The following MFAP1 variants were observed in gnomAD, a reference collection of about 807,000 sequenced individuals.
The protein encoded by MFAP1 is microfibril associated protein 1.
Under a neutral mutation model 62.2 loss-of-function variants are expected in MFAP1, and 18 were observed. That is an observed-to-expected ratio of 0.29 (90% confidence interval 0.20 to 0.43). The LOEUF (loss-of-function observed/expected upper bound fraction) is 0.43, where lower values mean the gene tolerates loss of function less well. MFAP1 is among the 20% of genes least tolerant of loss of function. The pLI, the probability that MFAP1 is intolerant of heterozygous loss-of-function variation, is 1.00. For synonymous variants in MFAP1, 175 were observed against 180.4 expected, an observed-to-expected ratio of 0.97 and a Z score of 0.24; for missense variants, 355 against 559.7, an observed-to-expected ratio of 0.63 and a Z score of 3.69.
chr15:43,813,482 G>C, intron 4 of MFAP1, 125 bp from the exon 5 acceptor site: 24 of 673,466 alleles, frequency 3.6e-5, no homozygotes, highest in Non-Finnish European at 4.6e-5. Context: ...TTTTCAAAGA[G>C]CAAAAAACGC....
chr15:43,814,616 C>T lies in MFAP1; in HGVS notation c.502G>A (p.Glu168Lys). Residue 168 changes from glutamate (E) to lysine (K), a missense_variant, in exon 4 of 9, where the codon GAA becomes AAA. Glu to Lys is a moderately conservative substitution (Grantham distance 56). Transcript: ENST00000267812. The part of the protein sequence containing the change: ...ERKNEEMEVM[E>K]VEDEGRSGEE... Reference sequence around the variant, plus strand: ...CCAGAACGACCCTCATCTTCCACTTCCATGACTTCCATCTCTTCATTTTTT... The same window carrying T: ...CCAGAACGACCCTCATCTTCCACTTTCATGACTTCCATCTCTTCATTTTTT... The T allele has an allele frequency of 6.2e-7, 1 of 1,614,202 alleles. No homozygotes were observed.
intron 1 of MFAP1, among the ~76,000 whole-genome samples, chr15:43,822,148 C>T (rs1351532681): frequency 2.1e-5 from 3 of 143,768 alleles, no homozygotes; most frequent in African/African-American, 7.9e-5. Flanking sequence ...TATGGTGAGC[C>T]GAGATGGAGC....
intron 1 of MFAP1, among the ~76,000 whole-genome samples, chr15:43,821,731 T>C (rs2087468125): frequency 6.6e-6 from 1 of 152,200 alleles, no homozygotes; most frequent in Admixed American, 6.6e-5. Context: ...CATTCCCTAC[T>C]GGACTGTAAG....
intron 2 of MFAP1, among the ~76,000 whole-genome samples, chr15:43,816,515 G>T (rs2087434843): frequency 6.6e-6 from 1 of 152,160 alleles, no homozygotes; most frequent in Non-Finnish European, 1.5e-5. Context: ...AAAGTGCTAG[G>T]ATTACAGGCG....
rs769646633 is a variant in MFAP1 at position 43,815,009 on chromosome 15, CCTTCTA to C, written c.359_364del (p.Val120_Glu121del). 1.4e-5 allele frequency: 23 copies of C among 1,614,050 alleles called. No homozygotes were observed. Among genetic ancestry groups the C allele is most frequent in the Non-Finnish European group, 1.9e-5 (23 of 1,180,046 alleles). Reference sequence around the variant, plus strand: ...TTCTCGTTCCATGCGCCAAGCATCTCCTTCTACTTCTGAGTCACTCTCTCCTACCAC... The same window carrying C: ...TTCTCGTTCCATGCGCCAAGCATCTCCTTCTGAGTCACTCTCTCCTACCAC... On this transcript the variant is annotated inframe_deletion, in exon 3 of 9. Coordinates refer to ENST00000267812, the MANE Select transcript of MFAP1 (RefSeq NM_005926.3).
At chr15:43,824,226 T>C (rs2087484799) in intron 1 of MFAP1, among the ~76,000 whole-genome samples, 1 of 151,446 alleles carries the variant, frequency 6.6e-6, no homozygotes, top group Admixed American at 6.6e-5. Context: ...CCTAATGTTT[T>C]TATATGTGTA....
intron 6 of MFAP1, among the ~76,000 whole-genome samples, chr15:43,810,316 T>C (rs2087390903): frequency 6.6e-6 from 1 of 151,992 alleles, no homozygotes; most frequent in African/African-American, 2.4e-5. Flanking sequence ...GGTGCTTGCA[T>C]GTCATAAACC....
intron 1 of MFAP1, among the ~76,000 whole-genome samples, chr15:43,818,864 C>G (rs143999167): frequency 6.6e-6 from 1 of 152,138 alleles, no homozygotes; most frequent in East Asian, 1.9e-4. Flanking sequence ...CTCACTTTAG[C>G]CTGAGTGATA....
At chr15:43,819,680 C>T (rs552724771) in intron 1 of MFAP1, among the ~76,000 whole-genome samples, 2 of 152,200 alleles carry the variant, frequency 1.3e-5, no homozygotes, top group South Asian at 4.1e-4. Flanking sequence ...TACAGGTGCC[C>T]ACCACCATGC....
Position 43,814,598 on chromosome 15 carries a change from G to A in MFAP1, c.520C>T (p.Arg174Cys), listed in dbSNP as rs1209026918. Residue 174 changes from arginine (R) to cysteine (C), a missense_variant, in exon 4 of 9, where the codon CGT becomes TGT. Physicochemically the swap from Arg to Cys is radical, Grantham distance 180. Coordinates refer to ENST00000267812, the MANE Select transcript of MFAP1 (RefSeq NM_005926.3). ...TCTGATTCTGACTCCTCTCCAGAAC[G>A]ACCCTCATCTTCCACTTCCATGACT... ...MEVMEVEDEG[R>C]SGEESESESE... 1.5e-5 allele frequency: 25 copies of A among 1,614,044 alleles called. No individual in the cohort carries two copies. Among genetic ancestry groups the A allele is most frequent in the Middle Eastern group, 1.6e-4 (1 of 6,062 alleles).
intron 4 of MFAP1, 28 bp from the exon 5 acceptor site, chr15:43,813,385 C>T: frequency 1.9e-6 from 3 of 1,590,620 alleles, no homozygotes; most frequent in East Asian, 2.2e-5. Context: ...TGTTAATTGC[C>T]CAAAGTCCTT....
intron 1 of MFAP1, among the ~76,000 whole-genome samples, chr15:43,819,087 G>A (rs2087451894): frequency 6.6e-6 from 1 of 152,166 alleles, no homozygotes; most frequent in Non-Finnish European, 1.5e-5. Context: ...AAGCTACTCA[G>A]GTGGCTGAGG....
chr15:43,817,224 A>G lies in MFAP1; in HGVS notation c.299+5T>C, dbSNP rs374778990. On this transcript the variant is annotated splice_donor_5th_base_variant and intron_variant, in intron 2 of 8. Transcript: ENST00000267812. ...TGTTCAAGTAAACACAATCACAGAC[A>G]TTACCTCTCTTCCACATCTTCACTA... is the stretch of plus-strand genomic sequence containing the variant. The G allele has an allele frequency of 3.1e-5, 50 of 1,612,482 alleles. No individual in the cohort carries two copies. Among genetic ancestry groups the G allele is most frequent in the Non-Finnish European group, 4.2e-5 (49 of 1,179,736 alleles).
intron 3 of MFAP1, 43 bp downstream of exon 3, chr15:43,814,902 T>C (rs1263925903): frequency 6.2e-7 from 1 of 1,608,104 alleles, no homozygotes; most frequent in African/African-American, 1.3e-5. Context: ...CATGAACTTT[T>C]TCTTATATCC....
Position 43,804,981 on chromosome 15 carries a change from G to C in MFAP1, c.*113C>G, listed in dbSNP as rs1022337652. On this transcript the variant is annotated 3_prime_UTR_variant, in exon 9 of 9. Coordinates refer to ENST00000267812, the MANE Select transcript of MFAP1 (RefSeq NM_005926.3). ...GCTACCCAGTATCACAAGTATAGCA[G>C]TAAGTCCAATATCTGGATACAGGGG... The C allele has an allele frequency of 9.3e-6, 11 of 1,182,494 alleles. No homozygotes were observed. Among genetic ancestry groups the C allele is most frequent in the East Asian group, 7.1e-5 (3 of 42,002 alleles). 73.3% of individuals were successfully genotyped at this position (1,182,494 alleles called of 1,614,324 possible).
rs753023741 is a variant in MFAP1, at chr15:43,805,259, G to A, written c.1155C>T (p.Arg385=). ...PKVMQVKNFG[R]SGRTKYTHLV... is the part of the protein sequence containing the mutation. ...GGTGAGTGTATTTGGTGCGACCTGA[G>A]CGTCCAAAGTTCTTGACCTGAGGGA... Residue 385 remains arginine (R), a synonymous_variant, in exon 9 of 9, where the codon CGC becomes CGT. Transcript: ENST00000267812. The A allele has an allele frequency of 1.9e-6, 3 of 1,596,920 alleles. No homozygotes were observed. The highest frequency in any genetic ancestry group is 2.6e-6 in the Non-Finnish European group (3 of 1,166,720).
intron 1 of MFAP1, 28 bp downstream of exon 1, chr15:43,824,463 G>T (rs369248866): frequency 5.0e-5 from 81 of 1,611,910 alleles, no homozygotes; most frequent in Admixed American, 3.3e-5. Flanking sequence ...GTTAAAATTC[G>T]ACTGGGAAGA....
intron 7 of MFAP1, among the ~76,000 whole-genome samples, chr15:43,805,784 T>C (rs2087360531): frequency 6.6e-6 from 1 of 151,950 alleles, no homozygotes; most frequent in Non-Finnish European, 1.5e-5. Context: ...GGCTAATTTT[T>C]TGTATTTTTA....
chr15:43,815,102 A>T, intron 2 of MFAP1, 28 bp from the exon 3 acceptor site: 1 of 1,612,826 alleles, frequency 6.2e-7, no homozygotes, highest in Non-Finnish European at 8.5e-7. Flanking sequence ...CAAATGTAAC[A>T]CCAATGTCAT....
Sources: allele counts gnomAD v4.1 joint callset (sites outside exome capture counted in the v4.1 genomes callset), GRCh38; gene constraint gnomAD v4.1.1; transcripts MANE v1.5; gene names NCBI Gene and HGNC (gene_info 2026-07-23, HGNC 2026-07-21).